OSBPL10: variants seen among roughly 807,000 people sequenced by gnomAD.
OSBPL10 encodes the protein oxysterol binding protein like 10.
OSBPL10 carries 49 observed loss-of-function variants against 81.7 expected under a neutral mutation model. That is an observed-to-expected ratio of 0.60 (90% CI 0.48 to 0.76). The LOEUF (loss-of-function observed/expected upper bound fraction) is 0.76. OSBPL10 is among the 30% of genes least tolerant of loss of function. The pLI is 0.00. For missense variants in OSBPL10, 923 were observed against 987.8 expected (o/e 0.93, Z 0.88); for synonymous variants, 419 against 383.6 (o/e 1.09, Z -1.08).
At chr3:31,935,612 C>T (rs1697363851) in intron 1 of OSBPL10, among the ~76,000 whole-genome samples, 1 of 151,466 alleles carries the variant, frequency 6.6e-6, no homozygotes, top group South Asian at 2.1e-4. Context: ...CAACCTCTGT[C>T]TCCTGGGTTC....
intron 7 of OSBPL10, among the ~76,000 whole-genome samples, chr3:31,690,684 A>C (rs961160053): frequency 9.9e-5 from 15 of 152,222 alleles, no homozygotes; most frequent in Non-Finnish European, 2.2e-4. Context: ...TGGCTTTGTC[A>C]GAGCAGGAAA....
At chr3:32,053,200 G>T (rs576407425) in intron 1 of OSBPL10, among the ~76,000 whole-genome samples, 62 of 152,312 alleles carry the variant, frequency 4.1e-4, no homozygotes, top group African/African-American at 1.4e-3. Context: ...AAAGTGTAAA[G>T]AAACAGTTTT....
chr3:32,001,262 C>A (rs1310345247), intron 2 of OSBPL10, among the ~76,000 whole-genome samples: 1 of 152,114 alleles, frequency 6.6e-6, no homozygotes, highest in African/African-American at 2.4e-5. Flanking sequence ...GAGAACTTCC[C>A]GGTCTCCAAC....
chr3:32,024,744 G>A (rs952891511), intron 2 of OSBPL10, among the ~76,000 whole-genome samples: 1 of 151,988 alleles, frequency 6.6e-6, no homozygotes, highest in Non-Finnish European at 1.5e-5. Context: ...AAAGTGCTGG[G>A]ATTACAGGCA....
intron 1 of OSBPL10, among the ~76,000 whole-genome samples, chr3:31,944,201 AAAC>A (rs1210245483): frequency 1.3e-5 from 2 of 152,146 alleles, no homozygotes; most frequent in Non-Finnish European, 2.9e-5. Flanking sequence ...TCACTGCATC[AAAC>A]AATATAACCA....
At chr3:31,996,445 T>G (rs1288079818) in intron 2 of OSBPL10, among the ~76,000 whole-genome samples, 1 of 152,198 alleles carries the variant, frequency 6.6e-6, no homozygotes, top group Non-Finnish European at 1.5e-5. Flanking sequence ...TCTCTGCATC[T>G]AAATATGAGC....
At chr3:31,920,448 T>A (rs966029882) in intron 1 of OSBPL10, among the ~76,000 whole-genome samples, 15 of 152,222 alleles carry the variant, frequency 9.9e-5, no homozygotes, top group Admixed American at 6.5e-4. Flanking sequence ...ACTTTGCAAG[T>A]GAGTGGCATC....
chr3:31,975,838 G>A (rs1698681982), intron 1 of OSBPL10, among the ~76,000 whole-genome samples: 1 of 152,048 alleles, frequency 6.6e-6, no homozygotes, highest in Non-Finnish European at 1.5e-5. Flanking sequence ...TACCCTTACT[G>A]TATACCAGAC....
chr3:31,907,357 G>A (rs1413087042), intron 1 of OSBPL10, among the ~76,000 whole-genome samples: 4 of 151,946 alleles, frequency 2.6e-5, no homozygotes, highest in African/African-American at 4.8e-5. Flanking sequence ...AGCTGGGCAC[G>A]GTGACTCACG....
At chr3:31,731,749 T>C (rs1696978526) in intron 6 of OSBPL10, among the ~76,000 whole-genome samples, 1 of 152,134 alleles carries the variant, frequency 6.6e-6, no homozygotes. Context: ...AGCCTACCAA[T>C]GTGCTGGGAT....
intron 3 of OSBPL10, among the ~76,000 whole-genome samples, chr3:31,870,589 G>A (rs1701295971): frequency 6.6e-6 from 1 of 152,262 alleles, no homozygotes; most frequent in Admixed American, 6.5e-5. Flanking sequence ...TGAGTCTGGT[G>A]GGGCCTTGGA....
At position 31,935,143 on chromosome 3, in the gene OSBPL10, C is replaced by G. The variant is rs575989548; in HGVS notation, c.281+45756G>C. Among the ~76,000 whole-genome samples, 7 of 152,242 alleles carry G rather than the reference C, an allele frequency of 4.6e-5. No individual in the cohort carries two copies. The South Asian group carries it at 1.5e-3, about 32-fold the overall frequency. ...ACCGAAGCTCTCCTGGAAGCCTCTG[C>G]CCTGCAACCACTTCTACTTATATTT... On this transcript the variant is annotated intron_variant, in intron 1 of 11. Transcript: ENST00000396556.
intron 4 of OSBPL10, among the ~76,000 whole-genome samples, chr3:31,805,868 T>C (rs4611855): frequency 0.62 from 94,027 of 152,072 alleles, 29,288 homozygotes; most frequent in East Asian, 0.77. Context: ...ACGATGACGA[T>C]GGTAGCAGGG....
intron 1 of OSBPL10, among the ~76,000 whole-genome samples, chr3:31,921,307 C>A (rs1259096053): frequency 6.6e-6 from 1 of 152,106 alleles, no homozygotes; most frequent in Non-Finnish European, 1.5e-5. Context: ...TACCTAGTGC[C>A]CACATCTTGG....
At position 31,766,337 on chromosome 3, in the gene OSBPL10, G is replaced by GTT. The variant is rs1259127969; in HGVS notation, c.730-18219_730-18218dup. On this transcript the variant is annotated intron_variant, in intron 4 of 11. Transcript: ENST00000396556. ...CCCAATGTAGTTTTTTTGTTTTTTT[G>GTT]TTTTTTTTTGTTTTTTTTTTGAGAC... Among the ~76,000 whole-genome samples, 21 of 26,828 alleles carry GTT rather than the reference G, an allele frequency of 7.8e-4. 1 individual carries two copies. Among genetic ancestry groups the GTT allele is most frequent in the African/African-American group, 1.2e-3 (21 of 17,414 alleles). The allele number at this position is 26,828 out of a possible 152,430, so 17.6% of individuals were successfully genotyped here.
chr3:31,731,680 G>A (rs539833184), intron 6 of OSBPL10, among the ~76,000 whole-genome samples: 5 of 151,962 alleles, frequency 3.3e-5, no homozygotes, highest in Non-Finnish European at 7.4e-5. Flanking sequence ...GTAGAGATGG[G>A]GTTTCACCAT....
intron 1 of OSBPL10, among the ~76,000 whole-genome samples, chr3:31,941,398 A>G (rs1161671818): frequency 1.3e-5 from 2 of 152,242 alleles, no homozygotes; most frequent in Non-Finnish European, 2.9e-5. Context: ...TTTGATGGAT[A>G]CGAAAGTGGT....
chr3:31,934,895 C>A (rs918764067), intron 1 of OSBPL10, among the ~76,000 whole-genome samples: 2 of 152,128 alleles, frequency 1.3e-5, no homozygotes, highest in African/African-American at 4.8e-5. Flanking sequence ...TTTAAACAAT[C>A]GGGGCTCTAT....
At chr3:32,060,206 A>G (rs72858460) in intron 1 of OSBPL10, among the ~76,000 whole-genome samples, 2,263 of 152,310 alleles carry the variant, frequency 0.015, 58 homozygotes, top group African/African-American at 0.051. Context: ...TGAAGTATGT[A>G]TGTCTTCAAA....
Sources: allele counts gnomAD v4.1 joint callset (sites outside exome capture counted in the v4.1 genomes callset), GRCh38; gene constraint gnomAD v4.1.1; transcripts MANE v1.5; gene names NCBI Gene and HGNC (gene_info 2026-07-23, HGNC 2026-07-21).